CFAP107: variants seen among roughly 807,000 people sequenced by gnomAD.
CFAP107 encodes cilia and flagella associated protein 107.
chr1:12,758,337 G>A, the CFAP107 span, among the ~76,000 whole-genome samples: 147 of 152,178 alleles, frequency 9.7e-4, 2 homozygotes, highest in African/African-American at 2.1e-3. Flanking sequence ...ATTCCTCCTG[G>A]CCTCTCTACC....
the CFAP107 span, among the ~76,000 whole-genome samples, chr1:12,754,453 C>A: frequency 6.6e-6 from 1 of 152,170 alleles, no homozygotes; most frequent in Admixed American, 6.5e-5. Flanking sequence ...TATGGGAGTT[C>A]CCAAAAAAAA....
chr1:12,759,192 A>G, the CFAP107 span: 1 of 1,168,868 alleles, frequency 8.6e-7, no homozygotes, highest in East Asian at 2.4e-5. Context: ...CAGCCCACGG[A>G]TGCCCGCTCT....
At chr1:12,760,724 C>A in the CFAP107 span, 1 of 1,575,812 alleles carries the variant, frequency 6.3e-7, no homozygotes, top group South Asian at 1.2e-5. Flanking sequence ...TAGAGCAAGA[C>A]TCCTTCTGTA....
At chr1:12,753,033 G>C in the CFAP107 span, among the ~76,000 whole-genome samples, 1 of 152,198 alleles carries the variant, frequency 6.6e-6, no homozygotes, top group South Asian at 2.1e-4. Context: ...TAATAAATGA[G>C]TTAAGCAAAG....
chr1:12,754,386 G>T, the CFAP107 span, among the ~76,000 whole-genome samples: 1 of 152,198 alleles, frequency 6.6e-6, no homozygotes, highest in Admixed American at 6.5e-5. Flanking sequence ...TGTTGGTGAG[G>T]ATATGAAGAA....
chr1:12,752,821 C>G, the CFAP107 span, among the ~76,000 whole-genome samples: 1 of 151,970 alleles, frequency 6.6e-6, no homozygotes, highest in Non-Finnish European at 1.5e-5. Context: ...AAAATGCCAG[C>G]CTTTTCCACT....
chr1:12,761,068 G>T, the CFAP107 span: 27 of 1,014,508 alleles, frequency 2.7e-5, no homozygotes, highest in Middle Eastern at 3.0e-4. Flanking sequence ...GCCCGTCAAA[G>T]GTGCTCTCAG....
the CFAP107 span, among the ~76,000 whole-genome samples, chr1:12,760,109 G>T: frequency 6.6e-6 from 1 of 152,070 alleles, no homozygotes. Flanking sequence ...AGGGATTGAG[G>T]GGGAGGACAT....
the CFAP107 span, chr1:12,746,359 A>G: frequency 1.5e-6 from 2 of 1,317,674 alleles, no homozygotes; most frequent in Non-Finnish European, 1.1e-6. Flanking sequence ...CAGCAACTTC[A>G]TAACACCTTC....
chr1:12,759,300 G>C, the CFAP107 span: 1 of 1,612,882 alleles, frequency 6.2e-7, no homozygotes, highest in Non-Finnish European at 8.5e-7. Flanking sequence ...CACTGTGTCT[G>C]TCCTTCCAGG....
chr1:12,746,481 G>A, the CFAP107 span: 1 of 1,613,758 alleles, frequency 6.2e-7, no homozygotes, highest in Non-Finnish European at 8.5e-7. Flanking sequence ...CGAGCTGGCA[G>A]ATTGAGACCA....
the CFAP107 span, among the ~76,000 whole-genome samples, chr1:12,752,394 G>A: frequency 2.0e-5 from 3 of 151,310 alleles, no homozygotes; most frequent in African/African-American, 7.3e-5. Context: ...AGACCAGCCT[G>A]GCCAACATGA....
At chr1:12,752,538 G>A in the CFAP107 span, among the ~76,000 whole-genome samples, 1 of 115,110 alleles carries the variant, frequency 8.7e-6, no homozygotes, top group African/African-American at 3.5e-5. Flanking sequence ...CTGCACTTCA[G>A]CCTGGCCGAC....
At chr1:12,758,267 A>G in the CFAP107 span, among the ~76,000 whole-genome samples, 1 of 152,086 alleles carries the variant, frequency 6.6e-6, no homozygotes, top group Non-Finnish European at 1.5e-5. Context: ...AAACCCTAAT[A>G]AGGAAAAATC....
chr1:12,755,898 T>C, the CFAP107 span: 1 of 914,568 alleles, frequency 1.1e-6, no homozygotes, highest in South Asian at 1.4e-5. Flanking sequence ...ATAGGCTTAG[T>C]ACCGTCTTGG....
chr1:12,748,781 C>G, the CFAP107 span, among the ~76,000 whole-genome samples: 1 of 152,236 alleles, frequency 6.6e-6, no homozygotes, highest in Non-Finnish European at 1.5e-5. Flanking sequence ...AAACAACCAT[C>G]TTAAATATGG....
chr1:12,747,980 C>A, the CFAP107 span, among the ~76,000 whole-genome samples: 4 of 152,136 alleles, frequency 2.6e-5, no homozygotes, highest in African/African-American at 9.7e-5. Flanking sequence ...GGAAAACAGT[C>A]AAAGATATAT....
At chr1:12,761,333 T>C in the CFAP107 span, 1 of 163,316 alleles carries the variant, frequency 6.1e-6, no homozygotes, top group Admixed American at 6.4e-5. Flanking sequence ...AATCTGATGA[T>C]GAAACCCATC....
chr1:12,746,839 G>A, the CFAP107 span, among the ~76,000 whole-genome samples: 4 of 152,108 alleles, frequency 2.6e-5, no homozygotes, highest in South Asian at 2.1e-4. Flanking sequence ...CAATATAGTC[G>A]TGCCTCTCAG....
Sources: allele counts gnomAD v4.1 joint callset (sites outside exome capture counted in the v4.1 genomes callset), GRCh38; gene constraint gnomAD v4.1.1; transcripts MANE v1.5; gene names NCBI Gene and HGNC (gene_info 2026-07-23, HGNC 2026-07-21).